MX1: variants seen among roughly 807,000 people sequenced by gnomAD.
MX1 encodes the protein MX dynamin like GTPase 1, also known as interferon-induced GTP-binding protein Mx1.
A neutral mutation model predicts 66.4 loss-of-function variants in MX1; 66 were observed. The ratio of observed to expected loss-of-function variants is 0.99; its 90% CI spans 0.82 to 1.22. The LOEUF (loss-of-function observed/expected upper bound fraction) is 1.22, where lower values mean the gene tolerates loss of function less well. MX1 is among the 50% of genes most tolerant of loss of function. The probability of loss-of-function intolerance (pLI) is 0.00; values close to 1 mark genes in which losing one functional copy is unlikely to be tolerated. For missense variants in MX1, 787 were observed against 834.3 expected (o/e 0.94, Z 0.70); for synonymous variants, 311 against 318.1 (o/e 0.98, Z 0.24).
At chr21:41,433,248 C>T (rs2090271766) in intron 5 of MX1, among the ~76,000 whole-genome samples, 1 of 152,232 alleles carries the variant, frequency 6.6e-6, no homozygotes, top group African/African-American at 2.4e-5. Flanking sequence ...GTGAATTGGA[C>T]ACTCTGGGGC....
At chr21:41,442,011 G>A in intron 10 of MX1, 97 bp downstream of exon 10, 2 of 1,069,982 alleles carry the variant, frequency 1.9e-6, no homozygotes, top group Admixed American at 3.6e-5. Flanking sequence ...TGTGGAGTGT[G>A]TGTGTGTGTG....
Position 41,440,901 on chromosome 21 carries a change from C to G in MX1, c.606C>G (p.Ile202Met). 6.2e-7 allele frequency: 1 copy of G among 1,614,236 alleles called. No individual in the cohort carries two copies. The highest frequency in any genetic ancestry group is 2.2e-5 in the East Asian group (1 of 44,884). ...TTTCCTTACAGATCAAGACACTCAT[C>G]AAGAAGTACATCCAGAGGCAGGAGA... ...ADIGYKIKTL[I>M]KKYIQRQETI... is the part of the protein sequence containing the mutation. The change falls in exon 9 of 17, where the codon ATC becomes ATG. Residue 202 changes from isoleucine (I) to methionine (M), a missense_variant. By Grantham distance (10) the Ile-to-Met change is conservative. Coordinates refer to ENST00000398598, the MANE Select transcript of MX1 (RefSeq NM_002462.5).
intron 16 of MX1, among the ~76,000 whole-genome samples, chr21:41,455,599 T>C (rs190304896): frequency 0.015 from 2,336 of 152,326 alleles, 27 homozygotes; most frequent in Non-Finnish European, 0.022. Flanking sequence ...AAAGCTCCCA[T>C]GCATATACAT....
chr21:41,420,928 C>T (rs896985608), intron 1 of MX1: 1 of 152,238 alleles, frequency 6.6e-6, no homozygotes. Flanking sequence ...GAAGGAGAGA[C>T]TTGGAAAAGA....
upstream of MX1, chr21:41,426,151 C>T (rs1161699414): frequency 5.9e-6 from 1 of 168,130 alleles, no homozygotes; most frequent in Non-Finnish European, 1.3e-5. Context: ...CGGAGCCGCC[C>T]TCAGCACAGG....
chr21:41,451,401 T>C (rs187740901), intron 15 of MX1, among the ~76,000 whole-genome samples, 158 bp downstream of exon 15: 16 of 152,152 alleles, frequency 1.1e-4, no homozygotes, highest in Non-Finnish European at 2.9e-5. Context: ...ATGTTACCGG[T>C]GATGTCTGGT....
chr21:41,436,919 A>T, intron 6 of MX1, 96 bp from the exon 7 acceptor site: 2 of 1,457,548 alleles, frequency 1.4e-6, no homozygotes, highest in Non-Finnish European at 1.9e-6. Context: ...ATGTCTCCCC[A>T]TATGATTGTA....
At chr21:41,424,775 A>C (rs2090030651), upstream of MX1, among the ~76,000 whole-genome samples, 1 of 152,254 alleles carries the variant, frequency 6.6e-6, no homozygotes, top group South Asian at 2.1e-4. Context: ...TTTGGAGACC[A>C]AAACAGAACT....
chr21:41,429,864 C>T (rs922886576), intron 3 of MX1: 21 of 147,576 alleles, frequency 1.4e-4, no homozygotes, highest in East Asian at 1.0e-3. Context: ...GCCAAGATTG[C>T]GCCACTGCTC....
Position 41,441,770 on chromosome 21 carries a change from A to G in MX1, c.785A>G (p.Asp262Gly). 6.2e-7 allele frequency: 1 copy of G among 1,614,232 alleles called. No individual in the cohort carries two copies. Among genetic ancestry groups the G allele is most frequent in the Non-Finnish European group, 8.5e-7 (1 of 1,180,030 alleles). Residue 262 changes from aspartate to glycine, a missense_variant, in exon 10 of 17, where the codon GAC becomes GGC. By Grantham distance (94) the Asp-to-Gly change is moderately conservative. Coordinates refer to ENST00000398598, the MANE Select transcript of MX1 (RefSeq NM_002462.5). The surrounding 1 kb of genome is among the most constrained non-coding windows in gnomAD (Gnocchi z 4.0). The part of the protein sequence containing the change: ...VDKGTEDKVV[D>G]VVRNLVFHLK... ...AAAGGAACTGAAGACAAGGTTGTGGACGTGGTGCGGAACCTCGTGTTCCAC... is the reference window on the plus strand; with the variant it reads ...AAAGGAACTGAAGACAAGGTTGTGGGCGTGGTGCGGAACCTCGTGTTCCAC...
intron 8 of MX1, 124 bp from the exon 9 acceptor site, chr21:41,440,763 A>T: frequency 3.5e-6 from 4 of 1,128,482 alleles, no homozygotes; most frequent in Middle Eastern, 2.5e-4. Context: ...CTCCAAAGTT[A>T]CTTCTTTTGG....
intron 5 of MX1, among the ~76,000 whole-genome samples, chr21:41,434,740 T>C (rs2090314008): frequency 2.0e-5 from 3 of 152,258 alleles, no homozygotes; most frequent in Admixed American, 2.0e-4. Flanking sequence ...ATTTCTATCA[T>C]GCATCTTTTA....
At chr21:41,434,523 C>A (rs2090308469) in intron 5 of MX1, among the ~76,000 whole-genome samples, 1 of 152,152 alleles carries the variant, frequency 6.6e-6, no homozygotes, top group African/African-American at 2.4e-5. Context: ...TTCGTTCCCC[C>A]TTTCGTCTTT....
chr21:41,443,515 G>C (rs1312531734), intron 10 of MX1: 2 of 470,300 alleles, frequency 4.3e-6, no homozygotes, highest in Non-Finnish European at 7.7e-6. Flanking sequence ...GTATTTTTGT[G>C]ATGACCAAGT....
upstream of MX1, among the ~76,000 whole-genome samples, chr21:41,422,365 A>G (rs1164829917): frequency 6.6e-6 from 1 of 152,230 alleles, no homozygotes; most frequent in Non-Finnish European, 1.5e-5. Context: ...TGTTTAGCAT[A>G]TCATCAAGAA....
Position 41,441,323 on chromosome 21 carries a change from T to C in MX1, c.730+298T>C. ...TTGACTCTCACTGGCTAGGTTGCCT[T>C]GTAAGCCTTATCTACTTGCTCAGAA... On this transcript the variant is annotated intron_variant, in intron 9 of 16. Coordinates refer to ENST00000398598, the MANE Select transcript of MX1 (RefSeq NM_002462.5). This position sits in a 1 kb window ranked among gnomAD's most constrained non-coding sequence, Gnocchi z 4.0. The C allele has an allele frequency of 2.3e-6, 1 of 442,752 alleles. No homozygotes were observed. Among genetic ancestry groups the C allele is most frequent in the East Asian group, 3.7e-5 (1 of 26,692 alleles). 27.4% of individuals were successfully genotyped at this position (442,752 alleles called of 1,614,324 possible). A position where few individuals can be genotyped will look rare whatever the true frequency, so the allele number is the denominator to read the frequency against.
intron 10 of MX1, 121 bp downstream of exon 10, chr21:41,442,035 G>A: frequency 4.8e-6 from 4 of 828,410 alleles, no homozygotes; most frequent in Admixed American, 2.1e-5. Context: ...GCGTGTGTGT[G>A]TGTGCGCGTG....
At chr21:41,445,810 A>G in intron 12 of MX1, 190 bp from the exon 13 acceptor site, 2 of 838,160 alleles carry the variant, frequency 2.4e-6, no homozygotes, top group African/African-American at 3.4e-5. Context: ...AGCATCACCC[A>G]GATCCCTAAG....
chr21:41,426,073 C>G (rs923055989), upstream of MX1: 1 of 168,742 alleles, frequency 5.9e-6, no homozygotes, highest in African/African-American at 2.4e-5. Flanking sequence ...GAACCTGCGT[C>G]TCCCGCGAGT....
Sources: allele counts gnomAD v4.1 joint callset (sites outside exome capture counted in the v4.1 genomes callset), GRCh38; gene constraint gnomAD v4.1.1; non-coding constraint Gnocchi (gnomAD v3.1); transcripts MANE v1.5; gene names NCBI Gene and HGNC (gene_info 2026-07-23, HGNC 2026-07-21).